The following ATG10 variants were observed in gnomAD, a reference collection of about 807,000 sequenced individuals.
ATG10 encodes the protein ubiquitin-like-conjugating enzyme ATG10.
A neutral mutation model predicts 32.1 loss-of-function variants in ATG10; 30 were observed. The ratio of observed to expected loss-of-function variants is 0.94; its 90% CI spans 0.70 to 1.27. The LOEUF is 1.27. Ranked by LOEUF, ATG10 falls within the 50% of genes most tolerant of loss-of-function variation. ATG10 has a pLI of 0.00. For synonymous variants in ATG10, 87 were observed against 91.5 expected, an observed-to-expected ratio of 0.95 and a Z score of 0.28; for missense variants, 233 against 262.3, an observed-to-expected ratio of 0.89 and a Z score of 0.77.
intron 1 of ATG10, among the ~76,000 whole-genome samples, chr5:81,980,716 T>A (rs1761015631): frequency 6.6e-6 from 1 of 152,058 alleles, no homozygotes; most frequent in South Asian, 2.1e-4. Flanking sequence ...ATTCTGTTCC[T>A]GCAGCTACCT....
intron 3 of ATG10, among the ~76,000 whole-genome samples, chr5:82,119,042 A>C (rs1765936124): frequency 6.6e-6 from 1 of 152,196 alleles, no homozygotes; most frequent in African/African-American, 2.4e-5. Flanking sequence ...CTCAGAATTT[A>C]TGTTTGAACT....
At position 81,983,242 on chromosome 5, in the gene ATG10, C is replaced by CG. The variant is rs1360945147; in HGVS notation, c.-12-4317_-12-4316insG. ...TGGCCGGGCTGGGGGCTGACCCCCCCCCCCACCTCCCTCCTGGACGGGGTG... is the reference window on the plus strand; with the variant it reads ...TGGCCGGGCTGGGGGCTGACCCCCCCGCCCCACCTCCCTCCTGGACGGGGTG... On this transcript the variant is annotated intron_variant, in intron 1 of 7. Transcript: ENST00000282185. 2.7e-5 allele frequency among the ~76,000 whole-genome samples: 4 copies of CG among 149,744 alleles called. No homozygotes were observed. The East Asian group carries it at 8.1e-4, about 30-fold the overall frequency.
intron 2 of ATG10, among the ~76,000 whole-genome samples, chr5:82,058,252 AAGGTTTAATCT>A (rs1763663405): frequency 6.6e-6 from 1 of 152,158 alleles, no homozygotes; most frequent in Non-Finnish European, 1.5e-5. Flanking sequence ...AAAAAAGGGA[AAGGTTTAATCT>A]AGGAGGGTGG....
intron 5 of ATG10, among the ~76,000 whole-genome samples, chr5:82,242,225 G>T (rs1746834961): frequency 6.6e-6 from 1 of 152,008 alleles, no homozygotes; most frequent in Non-Finnish European, 1.5e-5. Context: ...GAAATAATCA[G>T]ATCTTTTAGA....
rs1358378459 is a variant in ATG10, at chr5:82,253,322, A to G, written c.560A>G (p.Asn187Ser). 1.2e-6 allele frequency: 2 copies of G among 1,609,618 alleles called. No individual in the cohort carries two copies. Among genetic ancestry groups the G allele is most frequent in the Non-Finnish European group, 1.7e-6 (2 of 1,176,018 alleles). The change falls in exon 7 of 8, where the codon AAC (asparagine) becomes AGC (serine). Residue 187 changes from asparagine to serine, a missense_variant. Coordinates refer to ENST00000282185, the MANE Select transcript of ATG10 (RefSeq NM_031482.5). The stretch of plus-strand genomic sequence containing the variant: ...TTTCACTTGTTTCCTAGGAATGTCA[A>G]CTATATCACATCATGGCTGAGCATT... ...KNSQKINKNV[N>S]YITSWLSIVG...
chr5:82,078,970 CTT>C (rs1053795111), intron 3 of ATG10, among the ~76,000 whole-genome samples: 9 of 152,142 alleles, frequency 5.9e-5, no homozygotes, highest in African/African-American at 2.2e-4. Flanking sequence ...AGGATCTGAA[CTT>C]ATTGCTTCTG....
intron 2 of ATG10, among the ~76,000 whole-genome samples, chr5:82,045,442 G>T (rs1171612954): frequency 6.6e-6 from 1 of 152,144 alleles, no homozygotes; most frequent in Non-Finnish European, 1.5e-5. Flanking sequence ...AAGGAGAGGA[G>T]ATATTTAAGG....
At chr5:82,110,118 AG>A (rs1765571303) in intron 3 of ATG10, among the ~76,000 whole-genome samples, 1 of 152,122 alleles carries the variant, frequency 6.6e-6, no homozygotes, top group South Asian at 2.1e-4. Context: ...GTCCCTACAA[AG>A]GACATGAACT....
At chr5:82,225,275 G>A (rs1746079957) in intron 5 of ATG10, among the ~76,000 whole-genome samples, 1 of 152,162 alleles carries the variant, frequency 6.6e-6, no homozygotes, top group Non-Finnish European at 1.5e-5. Context: ...TGCCAGCACT[G>A]ACTGTGTGGT....
At chr5:82,095,480 T>C (rs1765027417) in intron 3 of ATG10, among the ~76,000 whole-genome samples, 1 of 152,204 alleles carries the variant, frequency 6.6e-6, no homozygotes, top group Non-Finnish European at 1.5e-5. Context: ...GGGATGAGTT[T>C]ATTATTATCA....
At chr5:82,228,207 C>CA (rs760841707) in intron 5 of ATG10, among the ~76,000 whole-genome samples, 89 of 104,714 alleles carry the variant, frequency 8.5e-4, no homozygotes, top group Middle Eastern at 5.7e-3. Flanking sequence ...GGGACCATCT[C>CA]AAAAAAAAAA....
At chr5:82,100,925 A>G (rs1309034838) in intron 3 of ATG10, among the ~76,000 whole-genome samples, 1 of 152,080 alleles carries the variant, frequency 6.6e-6, no homozygotes, top group African/African-American at 2.4e-5. Flanking sequence ...GTCAGATTAC[A>G]TCTGGTGGAT....
chr5:82,124,164 C>T (rs527432793), intron 3 of ATG10, among the ~76,000 whole-genome samples: 28 of 150,882 alleles, frequency 1.9e-4, no homozygotes, highest in African/African-American at 3.6e-4. Flanking sequence ...CCACCACGCC[C>T]GGCTAATTTT....
intron 2 of ATG10, among the ~76,000 whole-genome samples, chr5:81,993,412 T>TCTTTTCTTTTCTTTC (rs1761560882): frequency 2.9e-5 from 4 of 138,742 alleles, no homozygotes; most frequent in Non-Finnish European, 6.1e-5. Context: ...TCTTTTCTTT[T>TCTTTTCTTTTCTTTC]CTTTTCTTTT....
intron 3 of ATG10, among the ~76,000 whole-genome samples, chr5:82,155,545 A>G (rs547070004): frequency 3.3e-4 from 50 of 152,312 alleles, no homozygotes; most frequent in African/African-American, 1.1e-3. Context: ...GCAGAGACCT[A>G]TGGCCCACAC....
chr5:82,193,170 T>G (rs1744724708), intron 5 of ATG10, among the ~76,000 whole-genome samples: 1 of 152,200 alleles, frequency 6.6e-6, no homozygotes, highest in African/African-American at 2.4e-5. Context: ...TCTAAAGTTG[T>G]TATTGGGCCT....
chr5:81,980,472 G>A (rs1306585022), intron 1 of ATG10, among the ~76,000 whole-genome samples: 1 of 152,028 alleles, frequency 6.6e-6, no homozygotes, highest in Non-Finnish European at 1.5e-5. Context: ...TTGGAAGCTG[G>A]AGGAATCTTC....
At chr5:82,253,804 C>G (rs897229050) in intron 7 of ATG10, among the ~76,000 whole-genome samples, 1 of 152,170 alleles carries the variant, frequency 6.6e-6, no homozygotes, top group African/African-American at 2.4e-5. Context: ...AGATTCTAAC[C>G]AATGCCTGAT....
chr5:82,102,901 C>T (rs1019478741), intron 3 of ATG10, among the ~76,000 whole-genome samples: 14 of 152,304 alleles, frequency 9.2e-5, no homozygotes, highest in Middle Eastern at 6.8e-3. Flanking sequence ...TTGAGGAATC[C>T]TAACTTGATC....
Sources: allele counts gnomAD v4.1 joint callset (sites outside exome capture counted in the v4.1 genomes callset), GRCh38; gene constraint gnomAD v4.1.1; transcripts MANE v1.5; gene names NCBI Gene and HGNC (gene_info 2026-07-23, HGNC 2026-07-21).